The following CYTH3 variants were observed in gnomAD, a reference collection of about 807,000 sequenced individuals.
CYTH3 encodes cytohesin-3.
Under a neutral mutation model 55.1 loss-of-function variants are expected in CYTH3, and 23 were observed. That is an observed-to-expected ratio of 0.42 (90% confidence interval 0.30 to 0.59). The LOEUF is 0.59. CYTH3 is among the 20% of genes least tolerant of loss of function. The pLI is 0.20. For synonymous variants in CYTH3, 249 were observed against 194.9 expected (o/e 1.28, Z -2.31); for missense variants, 413 against 524.8 (o/e 0.79, Z 2.08).
intron 1 of CYTH3, among the ~76,000 whole-genome samples, chr7:6,220,145 C>G (rs1784520497): frequency 6.6e-6 from 1 of 152,090 alleles, no homozygotes; most frequent in Non-Finnish European, 1.5e-5. Context: ...GATCTGCCCG[C>G]CTCGGCCTCC....
chr7:6,269,977 G>C (rs1017431398), intron 1 of CYTH3, among the ~76,000 whole-genome samples: 2 of 152,114 alleles, frequency 1.3e-5, no homozygotes, highest in African/African-American at 4.8e-5. Context: ...CCCAGATACA[G>C]TTCAACATTA....
chr7:6,240,497 G>C (rs1488206818), intron 1 of CYTH3, among the ~76,000 whole-genome samples: 1 of 152,104 alleles, frequency 6.6e-6, no homozygotes, highest in African/African-American at 2.4e-5. Flanking sequence ...ACCATGTCAT[G>C]CTGGCATCTG....
rs565313982 is a variant in CYTH3 at position 6,179,370 on chromosome 7, A to G, written c.250-1429T>C. ...GAATTCCCTAGGATGAGGCATCAGA[A>G]AGGTGCCCTGTAATATTCTACAACT... On this transcript the variant is annotated intron_variant, in intron 4 of 12. Transcript: ENST00000350796. 9.9e-5 allele frequency among the ~76,000 whole-genome samples: 15 copies of G among 152,138 alleles called. No homozygotes were observed. In the South Asian group the frequency reaches 3.1e-3, roughly 32 times the overall value.
intron 2 of CYTH3, among the ~76,000 whole-genome samples, chr7:6,189,150 C>A (rs10224997): frequency 0.038 from 5,748 of 152,194 alleles, 371 homozygotes; most frequent in African/African-American, 0.13. Context: ...CCAGGGCCGG[C>A]CCTCTGAATC....
At chr7:6,218,986 G>A (rs1430017506) in intron 1 of CYTH3, among the ~76,000 whole-genome samples, 2 of 132,978 alleles carry the variant, frequency 1.5e-5, no homozygotes, top group Non-Finnish European at 3.0e-5. Context: ...GGCTGGCAAC[G>A]GGGAGAGACT....
chr7:6,224,284 TAAC>T (rs1240681751), intron 1 of CYTH3, among the ~76,000 whole-genome samples: 1 of 140,170 alleles, frequency 7.1e-6, no homozygotes, highest in Non-Finnish European at 1.5e-5. Flanking sequence ...GAAGCGCTAT[TAAC>T]AAAGTGTGAC....
chr7:6,169,567 A>T lies in CYTH3; in HGVS notation c.823+968T>A, dbSNP rs938975395. Among the ~76,000 whole-genome samples, 4 of 152,170 alleles carry T rather than the reference A, an allele frequency of 2.6e-5. No homozygotes were observed. Among genetic ancestry groups the T allele is most frequent in the South Asian group, 2.1e-4 (1 of 4,826 alleles). On this transcript the variant is annotated intron_variant, in intron 9 of 12. Transcript: ENST00000350796. This position sits in a 1 kb window ranked among gnomAD's most constrained non-coding sequence, Gnocchi z 4.1. ...CCACTCCATGTCTCACGTGCTGCCCAGCGGCCGCCTGCTCTCAGAAAGGCT... is the reference window on the plus strand; with the variant it reads ...CCACTCCATGTCTCACGTGCTGCCCTGCGGCCGCCTGCTCTCAGAAAGGCT...
intron 1 of CYTH3, among the ~76,000 whole-genome samples, chr7:6,194,940 A>G (rs1173681164): frequency 1.3e-5 from 2 of 152,124 alleles, no homozygotes; most frequent in Admixed American, 6.6e-5. Flanking sequence ...GCGTCATTGC[A>G]CTCCAGCCTG....
chr7:6,240,665 C>T (rs968904710), intron 1 of CYTH3, among the ~76,000 whole-genome samples: 6 of 152,100 alleles, frequency 3.9e-5, no homozygotes, highest in Non-Finnish European at 7.4e-5. Flanking sequence ...CTATACCTCA[C>T]GCCACACATC....
At chr7:6,179,412 T>C (rs1783419671) in intron 4 of CYTH3, among the ~76,000 whole-genome samples, 1 of 152,118 alleles carries the variant, frequency 6.6e-6, no homozygotes, top group South Asian at 2.1e-4. Context: ...TGTTCTGGGT[T>C]GCAGTTATGT....
intron 1 of CYTH3, among the ~76,000 whole-genome samples, chr7:6,269,417 GCA>G (rs1164530974): frequency 6.6e-6 from 1 of 152,142 alleles, no homozygotes; most frequent in Non-Finnish European, 1.5e-5. Context: ...TTCACCTGAA[GCA>G]CAGACACCTA....
At chr7:6,229,999 T>C (rs2128553380) in intron 1 of CYTH3, among the ~76,000 whole-genome samples, 1 of 151,730 alleles carries the variant, frequency 6.6e-6, no homozygotes, top group East Asian at 2.0e-4. Flanking sequence ...CCGGGTGTGG[T>C]GGTGCACACC....
At chr7:6,183,166 A>C (rs1158442582) in intron 4 of CYTH3, among the ~76,000 whole-genome samples, 1 of 152,222 alleles carries the variant, frequency 6.6e-6, no homozygotes, top group Non-Finnish European at 1.5e-5. Context: ...ACACAAGGTC[A>C]GGAGAGCGTG....
intron 1 of CYTH3, among the ~76,000 whole-genome samples, chr7:6,264,921 G>C (rs1339312583): frequency 6.6e-6 from 1 of 152,210 alleles, no homozygotes; most frequent in African/African-American, 2.4e-5. Context: ...GAGAAAAATA[G>C]AGCTGACAGT....
At chr7:6,235,554 G>C (rs1005103105) in intron 1 of CYTH3, among the ~76,000 whole-genome samples, 1 of 151,192 alleles carries the variant, frequency 6.6e-6, no homozygotes, top group South Asian at 2.1e-4. Flanking sequence ...GCATCCTCAC[G>C]AAGCTCCCTA....
Position 6,167,531 on chromosome 7 carries a change from C to T in CYTH3, c.824-1721G>A, listed in dbSNP as rs1783048768. On this transcript the variant is annotated intron_variant, in intron 9 of 12. Transcript: ENST00000350796. This position sits in a 1 kb window ranked among gnomAD's most constrained non-coding sequence, Gnocchi z 5.5. ...CAGCTGCACTGGTGCCAGCTGCCAT[C>T]CCCCAAACAGCGGCCAAAGGCATCT... is the stretch of plus-strand genomic sequence containing the variant. Among the ~76,000 whole-genome samples the T allele has an allele frequency of 6.6e-6, 1 of 152,248 alleles. No homozygotes were observed. The highest frequency in any genetic ancestry group is 1.5e-5 in the Non-Finnish European group (1 of 68,034).
At chr7:6,229,316 T>C (rs920969251) in intron 1 of CYTH3, among the ~76,000 whole-genome samples, 2 of 152,178 alleles carry the variant, frequency 1.3e-5, no homozygotes, top group Non-Finnish European at 1.5e-5. Flanking sequence ...TCTTTAAACT[T>C]ATAAAGAAAT....
chr7:6,208,543 C>G (rs927440868), intron 1 of CYTH3, among the ~76,000 whole-genome samples: 3 of 140,730 alleles, frequency 2.1e-5, no homozygotes, highest in African/African-American at 9.8e-5. Flanking sequence ...AGCTCATTTT[C>G]TTTTCTTTTT....
chr7:6,264,322 A>C (rs1386846731), intron 1 of CYTH3, among the ~76,000 whole-genome samples: 1 of 152,148 alleles, frequency 6.6e-6, no homozygotes, highest in East Asian at 1.9e-4. Context: ...AGTATGAAAT[A>C]TATACCAGGC....
Sources: gnomAD v4.1 joint callset for allele counts (sites outside exome capture counted in the v4.1 genomes callset) on GRCh38, gnomAD v4.1.1 for gene constraint, Gnocchi (gnomAD v3.1) non-coding constraint, MANE v1.5 for transcripts, NCBI Gene and HGNC (gene_info 2026-07-23, HGNC 2026-07-21) for gene names.